Variants in LIPC observed in about 807,000 individuals in gnomAD.
LIPC encodes the protein hepatic triacylglycerol lipase.
A neutral mutation model predicts 50.7 loss-of-function variants in LIPC; 44 were observed. The ratio of observed to expected loss-of-function variants is 0.87; its 90% CI spans 0.68 to 1.11. The LOEUF (loss-of-function observed/expected upper bound fraction) is 1.11. LIPC is among the 50% of genes most tolerant of loss of function. The pLI, the probability that LIPC is intolerant of heterozygous loss-of-function variation, is 0.00. For synonymous variants in LIPC, 271 were observed against 256.4 expected (o/e 1.06, Z -0.54); for missense variants, 697 against 648.2 (o/e 1.08, Z -0.82).
At chr15:58,558,081 T>G (rs76165356) in intron 6 of LIPC, among the ~76,000 whole-genome samples, 8 of 151,904 alleles carry the variant, frequency 5.3e-5, no homozygotes, top group African/African-American at 1.9e-4. Context: ...CTTTTTTTTT[T>G]TTTCTTTTTT....
Position 58,548,519 on chromosome 15 carries a change from G to GGAGCAA in LIPC, c.1008_1013dup (p.Ser336_Lys337dup). On this transcript the variant is annotated inframe_insertion, in exon 6 of 9. Transcript: ENST00000299022. Reference sequence around the variant, plus strand: ...GGCTACCACGTCCGCCAGGAGCCGCGGAGCAAGAGCAAGAGGCTCTTCCTC... The same window carrying GGAGCAA: ...GGCTACCACGTCCGCCAGGAGCCGCGGAGCAAGAGCAAGAGCAAGAGGCTCTTCCTC... 6.2e-7 allele frequency: 1 copy of GGAGCAA among 1,601,682 alleles called. No homozygotes were observed. Among genetic ancestry groups the GGAGCAA allele is most frequent in the Non-Finnish European group, 8.5e-7 (1 of 1,173,786 alleles).
In LIPC at chr15:58,557,304, A is replaced by G. The variant is rs1443568742; in HGVS notation, c.1052-3560A>G. On this transcript the variant is annotated intron_variant, in intron 6 of 8. Transcript: ENST00000299022. ...TTGTTTGAGGGTCAAGTGAGATGAC[A>G]GAAGCAAAGCACTTGGCAAAAACCA... 2.0e-5 allele frequency among the ~76,000 whole-genome samples: 3 copies of G among 152,186 alleles called. No homozygotes were observed. The East Asian group carries it at 5.8e-4, about 29-fold the overall frequency.
intron 7 of LIPC, among the ~76,000 whole-genome samples, chr15:58,562,494 G>A (rs546820899): frequency 2.0e-5 from 3 of 152,102 alleles, no homozygotes; most frequent in Admixed American, 6.6e-5. Flanking sequence ...TTACCCACCT[G>A]CTCACTCTGA....
chr15:58,538,187 C>T, intron 1 of LIPC, 146 bp from the exon 2 acceptor site: 1 of 826,206 alleles, frequency 1.2e-6, no homozygotes, highest in Non-Finnish European at 2.1e-6. Context: ...GTCTTTGGGG[C>T]TCCCCACAGT....
intron 1 of LIPC, among the ~76,000 whole-genome samples, chr15:58,434,122 A>C (rs1893211748): frequency 6.6e-6 from 1 of 152,060 alleles, no homozygotes; most frequent in South Asian, 2.1e-4. Flanking sequence ...TCCAGCATCT[A>C]GTGGGTAGAG....
At chr15:58,558,989 T>C (rs185980163) in intron 6 of LIPC, among the ~76,000 whole-genome samples, 1 of 152,352 alleles carries the variant, frequency 6.6e-6, no homozygotes, top group Admixed American at 6.5e-5. Context: ...GATTAGTTTA[T>C]GCCAAGGATA....
intron 1 of LIPC, among the ~76,000 whole-genome samples, chr15:58,467,914 G>A (rs918725702): frequency 6.6e-6 from 1 of 152,152 alleles, no homozygotes; most frequent in Non-Finnish European, 1.5e-5. Flanking sequence ...CTTGGACTCC[G>A]GGGTCAGCTG....
chr15:58,510,240 T>C (rs1892289286), intron 1 of LIPC, among the ~76,000 whole-genome samples: 1 of 152,230 alleles, frequency 6.6e-6, no homozygotes, highest in Non-Finnish European at 1.5e-5. Flanking sequence ...CTATTTAATA[T>C]CTTTGAATGT....
intron 1 of LIPC, among the ~76,000 whole-genome samples, chr15:58,528,457 G>A (rs1172368639): frequency 6.6e-6 from 1 of 152,198 alleles, no homozygotes; most frequent in African/African-American, 2.4e-5. Context: ...AGGTCACACA[G>A]TTAATAAGTA....
intron 6 of LIPC, among the ~76,000 whole-genome samples, chr15:58,556,943 T>C (rs569607932): frequency 6.6e-6 from 1 of 152,352 alleles, no homozygotes; most frequent in East Asian, 1.9e-4. Flanking sequence ...GTCTGGGACA[T>C]AGTGAAGCGC....
intron 4 of LIPC, 27 bp downstream of exon 4, chr15:58,542,678 T>G: frequency 6.9e-7 from 1 of 1,441,984 alleles, no homozygotes; most frequent in Non-Finnish European, 9.8e-7. Context: ...ACTCACACAC[T>G]GATCTCCACT....
chr15:58,458,172 G>T (rs79394054), intron 1 of LIPC, among the ~76,000 whole-genome samples: 10 of 149,870 alleles, frequency 6.7e-5, no homozygotes, highest in African/African-American at 2.5e-4. Context: ...AATTGCTGGA[G>T]AAAAAAAAAA....
chr15:58,517,527 A>G (rs1280805024), intron 1 of LIPC, among the ~76,000 whole-genome samples: 1 of 152,212 alleles, frequency 6.6e-6, no homozygotes, highest in Non-Finnish European at 1.5e-5. Context: ...TCTAGACCAC[A>G]AGTTTCAGTG....
chr15:58,470,803 T>C (rs949212794), intron 1 of LIPC, among the ~76,000 whole-genome samples: 1 of 152,238 alleles, frequency 6.6e-6, no homozygotes, highest in Middle Eastern at 3.4e-3. Context: ...TTTCACTCTA[T>C]TAGCAGCCAG....
chr15:58,440,574 G>A (rs1159548500), intron 1 of LIPC, among the ~76,000 whole-genome samples: 2 of 152,220 alleles, frequency 1.3e-5, no homozygotes, highest in African/African-American at 4.8e-5. Flanking sequence ...ACTCACCAAG[G>A]ACTTCCCACT....
chr15:58,453,427 G>C (rs534310591), intron 1 of LIPC, among the ~76,000 whole-genome samples: 3 of 152,100 alleles, frequency 2.0e-5, no homozygotes, highest in Non-Finnish European at 4.4e-5. Context: ...TTGAACTCTA[G>C]AGACTAACAA....
At position 58,563,503 on chromosome 15, in the gene LIPC, A is replaced by G. The variant is rs770068099; in HGVS notation, c.1170-2A>G. 6 of 1,612,516 alleles carry G rather than the reference A, an allele frequency of 3.7e-6. No individual in the cohort carries two copies. Among genetic ancestry groups the G allele is most frequent in the South Asian group, 1.1e-5 (1 of 91,042 alleles). On this transcript the variant is annotated splice_acceptor_variant, in intron 7 of 8. Coordinates refer to ENST00000299022, the MANE Select transcript of LIPC (RefSeq NM_000236.3). LOFTEE classifies it high-confidence loss of function. Reference sequence around the variant, plus strand: ...GTGTCTGATTTTCTTTGTGTATTCAAGGGGCAAAGGAATTGCTAGTAATAA... The same window carrying G: ...GTGTCTGATTTTCTTTGTGTATTCAGGGGGCAAAGGAATTGCTAGTAATAA...
chr15:58,451,524 C>T (rs1248093993), intron 1 of LIPC, among the ~76,000 whole-genome samples: 1 of 152,158 alleles, frequency 6.6e-6, no homozygotes, highest in African/African-American at 2.4e-5. Context: ...TCATCACATA[C>T]CTATGGCACA....
chr15:58,545,397 T>A (rs1339925765), intron 4 of LIPC, among the ~76,000 whole-genome samples: 1 of 152,146 alleles, frequency 6.6e-6, no homozygotes, highest in African/African-American at 2.4e-5. Flanking sequence ...GGCCACCACA[T>A]CCACATAACT....
Sources: gnomAD v4.1 joint callset for allele counts (sites outside exome capture counted in the v4.1 genomes callset) on GRCh38, gnomAD v4.1.1 for gene constraint, MANE v1.5 for transcripts, NCBI Gene and HGNC (gene_info 2026-07-23, HGNC 2026-07-21) for gene names.